ANKS1B: variants seen among roughly 807,000 people sequenced by gnomAD.
ANKS1B encodes ankyrin repeat and sterile alpha motif domain containing 1B.
In ANKS1B, 36 loss-of-function variants were observed where a neutral mutation model predicts 148.3. The observed-to-expected ratio is 0.24, with a 90% CI of 0.19 to 0.32. The LOEUF (loss-of-function observed/expected upper bound fraction) is 0.32, where lower values mean the gene tolerates loss of function less well. ANKS1B is among the 10% of genes least tolerant of loss of function. The pLI is 1.00. For synonymous variants in ANKS1B, 542 were observed against 560.8 expected (o/e 0.97, Z 0.47); for missense variants, 1,157 against 1,542.6 (o/e 0.75, Z 4.19).
chr12:99,268,144 G>T (rs1166344125), intron 12 of ANKS1B, among the ~76,000 whole-genome samples: 1 of 152,108 alleles, frequency 6.6e-6, no homozygotes, highest in Non-Finnish European at 1.5e-5. Flanking sequence ...ACTATCAAGA[G>T]AACTCAACTC....
chr12:99,323,104 A>G (rs1346319665), intron 12 of ANKS1B, among the ~76,000 whole-genome samples: 3 of 152,038 alleles, frequency 2.0e-5, no homozygotes, highest in Non-Finnish European at 4.4e-5. Context: ...CTTCCTTTAT[A>G]TTATCCTCCA....
chr12:98,875,435 C>CTT (rs1435916268), intron 17 of ANKS1B, among the ~76,000 whole-genome samples: 3 of 152,170 alleles, frequency 2.0e-5, no homozygotes, highest in African/African-American at 4.8e-5. Context: ...AGCTCCTTCT[C>CTT]TTTCCAACTC....
chr12:99,151,495 T>G (rs2153818440), intron 15 of ANKS1B, among the ~76,000 whole-genome samples: 2 of 150,434 alleles, frequency 1.3e-5, no homozygotes, highest in Non-Finnish European at 3.0e-5. Context: ...ACCACTGCAT[T>G]CCAGCCTGGG....
rs2094445410 is a variant in ANKS1B, at chr12:99,403,031, T to C, written c.1576-3220A>G. On this transcript the variant is annotated intron_variant, in intron 11 of 26. Coordinates refer to ENST00000683438, the MANE Select transcript of ANKS1B (RefSeq NM_001352186.2). ...GCCATTCTGAATTGATTTGAAATGG[T>C]ATCTCATTGTGGTTTTGGTTTGAAT... Among the ~76,000 whole-genome samples the C allele has an allele frequency of 2.1e-5, 3 of 145,584 alleles. 1 individual carries two copies. The highest frequency in any genetic ancestry group is 2.0e-4 in the Admixed American group (3 of 14,646).
At chr12:98,761,490 G>A (rs2098404846) in intron 25 of ANKS1B, among the ~76,000 whole-genome samples, 1 of 152,176 alleles carries the variant, frequency 6.6e-6, no homozygotes, top group Non-Finnish European at 1.5e-5. Context: ...GAGCTAGAGA[G>A]AGCCCAGCTC....
intron 11 of ANKS1B, among the ~76,000 whole-genome samples, chr12:99,417,858 G>T (rs573559311): frequency 4.5e-4 from 69 of 152,206 alleles, no homozygotes; most frequent in African/African-American, 1.6e-3. Context: ...CACATACAAA[G>T]AAGTCCAATG....
intron 14 of ANKS1B, among the ~76,000 whole-genome samples, chr12:99,201,921 C>CCTCATTCA (rs1555336821): frequency 6.6e-6 from 1 of 151,116 alleles, no homozygotes; most frequent in Admixed American, 6.6e-5. Flanking sequence ...TAATATTTGA[C>CCTCATTCA]TTCATTCATT....
intron 9 of ANKS1B, among the ~76,000 whole-genome samples, chr12:99,518,489 T>C (rs2096844242): frequency 6.6e-6 from 1 of 152,166 alleles, no homozygotes; most frequent in Non-Finnish European, 1.5e-5. Flanking sequence ...GTTTTCCAAT[T>C]TATCGGCCTA....
intron 14 of ANKS1B, among the ~76,000 whole-genome samples, chr12:99,234,548 G>A (rs1188651227): frequency 1.3e-5 from 2 of 152,142 alleles, no homozygotes; most frequent in South Asian, 2.1e-4. Context: ...GACCACAGCA[G>A]CAAACACAAT....
At chr12:99,436,053 T>G (rs1388240353) in intron 11 of ANKS1B, among the ~76,000 whole-genome samples, 1 of 151,972 alleles carries the variant, frequency 6.6e-6, no homozygotes, top group Non-Finnish European at 1.5e-5. Context: ...AGCCTTCTCT[T>G]CTCACTCAGC....
chr12:99,187,922 A>C (rs1461810321), intron 14 of ANKS1B, among the ~76,000 whole-genome samples: 1 of 152,156 alleles, frequency 6.6e-6, no homozygotes, highest in Non-Finnish European at 1.5e-5. Context: ...GTCAAGACCC[A>C]TTGGTGTGCT....
intron 8 of ANKS1B, among the ~76,000 whole-genome samples, chr12:99,714,320 ATTAAC>A (rs770464517): frequency 2.2e-4 from 33 of 152,174 alleles, no homozygotes; most frequent in Non-Finnish European, 4.1e-4. Context: ...TCTCAAGAAC[ATTAAC>A]TTAATCACCT....
At chr12:99,595,769 G>T (rs1222821744) in intron 9 of ANKS1B, among the ~76,000 whole-genome samples, 1 of 151,870 alleles carries the variant, frequency 6.6e-6, no homozygotes, top group African/African-American at 2.4e-5. Context: ...AAATACATAT[G>T]CTTTGTGCAT....
chr12:98,776,408 T>C (rs2098675530), intron 24 of ANKS1B, among the ~76,000 whole-genome samples: 1 of 152,202 alleles, frequency 6.6e-6, no homozygotes, highest in Non-Finnish European at 1.5e-5. Context: ...AGGCCAGAGC[T>C]TTAAAAGGCT....
intron 8 of ANKS1B, among the ~76,000 whole-genome samples, chr12:99,684,755 A>G (rs1213101141): frequency 6.6e-6 from 1 of 152,180 alleles, no homozygotes; most frequent in African/African-American, 2.4e-5. Context: ...AACAGAGTAG[A>G]GAACCCAGAA....
At chr12:99,092,532 G>C (rs1441010711) in intron 15 of ANKS1B, among the ~76,000 whole-genome samples, 1 of 151,550 alleles carries the variant, frequency 6.6e-6, no homozygotes, top group Non-Finnish European at 1.5e-5. Context: ...AGATATCTGA[G>C]TGTTGTTCTT....
chr12:98,887,812 C>T (rs557040707), intron 17 of ANKS1B, among the ~76,000 whole-genome samples: 95 of 152,220 alleles, frequency 6.2e-4, no homozygotes, highest in African/African-American at 2.1e-3. Flanking sequence ...AGGATTTGGC[C>T]GTGTTGGCCA....
chr12:99,182,995 T>G (rs1037420034), intron 14 of ANKS1B, among the ~76,000 whole-genome samples: 5 of 152,238 alleles, frequency 3.3e-5, no homozygotes, highest in Non-Finnish European at 7.3e-5. Context: ...TTTGCTCAGT[T>G]TTAAATCAAA....
At chr12:98,993,388 C>G (rs1157269268) in intron 17 of ANKS1B, among the ~76,000 whole-genome samples, 1 of 152,140 alleles carries the variant, frequency 6.6e-6, no homozygotes, top group African/African-American at 2.4e-5. Flanking sequence ...AGGCTGGTCT[C>G]CAATTCCTGG....
Sources: gnomAD v4.1 joint callset for allele counts (sites outside exome capture counted in the v4.1 genomes callset) on GRCh38, gnomAD v4.1.1 for gene constraint, MANE v1.5 for transcripts, NCBI Gene and HGNC (gene_info 2026-07-23, HGNC 2026-07-21) for gene names.